The following CHN1 variants were observed in gnomAD, a reference collection of about 807,000 sequenced individuals.
The protein encoded by CHN1 is chimerin 1.
In CHN1, 37 loss-of-function variants were observed where a neutral mutation model predicts 59.5. The observed-to-expected ratio is 0.62, with a 90% CI of 0.48 to 0.82. The LOEUF (loss-of-function observed/expected upper bound fraction) is 0.82. Ranked by LOEUF, CHN1 falls within the 40% of genes least tolerant of loss-of-function variation. CHN1 has a pLI of 0.00. For synonymous variants in CHN1, 206 were observed against 200.4 expected (o/e 1.03, Z -0.24); for missense variants, 469 against 571.0 (o/e 0.82, Z 1.82).
chr2:174,948,252 T>C (rs1013621467), intron 2 of CHN1, among the ~76,000 whole-genome samples: 4 of 152,288 alleles, frequency 2.6e-5, no homozygotes, highest in Middle Eastern at 6.8e-3. Flanking sequence ...TTCCAGCCTC[T>C]TTTGAAAACT....
intron 9 of CHN1, 24 bp downstream of exon 9, chr2:174,812,285 C>A: frequency 6.3e-7 from 1 of 1,591,862 alleles, no homozygotes; most frequent in Non-Finnish European, 8.6e-7. Flanking sequence ...GAGACCACTG[C>A]AACCCGCACT....
chr2:174,842,745 G>T (rs2105429309), intron 7 of CHN1, among the ~76,000 whole-genome samples: 1 of 152,282 alleles, frequency 6.6e-6, no homozygotes, highest in South Asian at 2.1e-4. Context: ...GCTGGGTTCA[G>T]TATGATCTCT....
intron 7 of CHN1, among the ~76,000 whole-genome samples, chr2:174,837,929 C>A (rs1686146198): frequency 6.6e-6 from 1 of 152,100 alleles, no homozygotes; most frequent in Non-Finnish European, 1.5e-5. Flanking sequence ...TTGTGTCATG[C>A]ACTATTACAT....
At chr2:174,828,318 A>G (rs371606719) in intron 7 of CHN1, among the ~76,000 whole-genome samples, 2 of 152,050 alleles carry the variant, frequency 1.3e-5, no homozygotes, top group South Asian at 2.1e-4. Flanking sequence ...ATCGTACTAT[A>G]CCAGCCAGTG....
intron 1 of CHN1, among the ~76,000 whole-genome samples, chr2:174,978,689 G>C (rs1691036283): frequency 6.6e-6 from 1 of 151,982 alleles, no homozygotes; most frequent in African/African-American, 2.4e-5. Flanking sequence ...ACTTACATTT[G>C]TCAAAATGCA....
intron 1 of CHN1, among the ~76,000 whole-genome samples, chr2:174,998,168 T>C (rs1001152104): frequency 6.6e-6 from 1 of 151,404 alleles, no homozygotes; most frequent in Non-Finnish European, 1.5e-5. Context: ...CCAGGCATTG[T>C]GGCACATGCC....
intron 6 of CHN1, among the ~76,000 whole-genome samples, chr2:174,864,958 T>C (rs370812496): frequency 5.9e-5 from 9 of 151,944 alleles, no homozygotes; most frequent in African/African-American, 1.9e-4. Flanking sequence ...AAATCCTTTA[T>C]TTATTTATTG....
intron 6 of CHN1, 133 bp downstream of exon 6, chr2:174,877,707 A>G (rs1365485754): frequency 1.5e-6 from 1 of 673,072 alleles, no homozygotes; most frequent in Non-Finnish European, 2.3e-6. Flanking sequence ...TCAGCATCAC[A>G]GAAACTAGAC....
At chr2:174,873,035 A>G (rs1489281043) in intron 6 of CHN1, among the ~76,000 whole-genome samples, 1 of 136,854 alleles carries the variant, frequency 7.3e-6, no homozygotes, top group African/African-American at 2.9e-5. Context: ...TTTTTTTTTG[A>G]CTTTACTTGA....
intron 1 of CHN1, among the ~76,000 whole-genome samples, chr2:174,969,935 T>C (rs1169174441): frequency 1.3e-5 from 2 of 152,160 alleles, no homozygotes; most frequent in African/African-American, 2.4e-5. Context: ...ACTATTTTAA[T>C]AGTAATCTTA....
At chr2:174,899,998 T>C (rs1184092416) in intron 5 of CHN1, among the ~76,000 whole-genome samples, 1 of 152,228 alleles carries the variant, frequency 6.6e-6, no homozygotes, top group East Asian at 1.9e-4. Context: ...TCAGAGTCTT[T>C]AGAAATATCA....
intron 4 of CHN1, among the ~76,000 whole-genome samples, chr2:174,917,469 C>A (rs1293193861): frequency 6.6e-6 from 1 of 151,740 alleles, no homozygotes; most frequent in African/African-American, 2.4e-5. Context: ...AAAAGAAAAT[C>A]AAACTAAAGA....
At chr2:175,004,825 C>G in intron 1 of CHN1, 69 bp downstream of exon 1, 14 of 1,136,350 alleles carry the variant, frequency 1.2e-5, no homozygotes, top group Non-Finnish European at 1.6e-5. Flanking sequence ...CCCAGGCCCC[C>G]CAGGCCCCCG....
chr2:174,857,249 T>C (rs1401672625), intron 6 of CHN1, among the ~76,000 whole-genome samples: 7 of 152,304 alleles, frequency 4.6e-5, no homozygotes, highest in Admixed American at 2.0e-4. Flanking sequence ...ACTAGAATAC[T>C]CAGCGTCCAT....
At chr2:174,823,664 G>GA (rs58763231) in intron 8 of CHN1, among the ~76,000 whole-genome samples, 2,592 of 132,328 alleles carry the variant, frequency 0.02, 62 homozygotes, top group African/African-American at 0.063. Flanking sequence ...CTCTGTCTCA[G>GA]AAAAAAAAAA....
intron 1 of CHN1, among the ~76,000 whole-genome samples, chr2:174,975,573 G>C (rs909774621): frequency 1.3e-5 from 2 of 151,246 alleles, no homozygotes; most frequent in African/African-American, 2.4e-5. Flanking sequence ...ACCTGGAAGA[G>C]CAGTCATTAC....
rs1043406187 is a variant in CHN1 at position 174,813,553 on chromosome 2, T to C, written c.713-1071A>G. 3.3e-5 allele frequency among the ~76,000 whole-genome samples: 5 copies of C among 152,226 alleles called. No homozygotes were observed. The South Asian group carries it at 8.3e-4, about 25-fold the overall frequency. On this transcript the variant is annotated intron_variant, in intron 8 of 12. Transcript: ENST00000409900. The stretch of plus-strand genomic sequence containing the variant: ...CTGGTTAATATTGTGAGACACTTTA[T>C]TTTCAACAAGAAAAGTACAAAGAAA...
intron 3 of CHN1, among the ~76,000 whole-genome samples, chr2:174,934,131 AGT>A (rs766581884): frequency 6.6e-6 from 1 of 152,224 alleles, no homozygotes; most frequent in Non-Finnish European, 1.5e-5. Flanking sequence ...CATTACATTT[AGT>A]GTGTACTTTA....
At chr2:174,889,426 A>G (rs1191003794) in intron 5 of CHN1, among the ~76,000 whole-genome samples, 1 of 152,216 alleles carries the variant, frequency 6.6e-6, no homozygotes, top group Non-Finnish European at 1.5e-5. Context: ...AGAATTCAAA[A>G]TAAGTGTCTA....
Sources: gnomAD v4.1 joint callset for allele counts (sites outside exome capture counted in the v4.1 genomes callset) on GRCh38, gnomAD v4.1.1 for gene constraint, MANE v1.5 for transcripts, NCBI Gene and HGNC (gene_info 2026-07-23, HGNC 2026-07-21) for gene names.